FLACC1: variants seen among roughly 807,000 people sequenced by gnomAD.
FLACC1 encodes flagellum-associated coiled-coil domain-containing protein 1.
FLACC1 carries 66 observed loss-of-function variants against 62.8 expected under a neutral mutation model. That is an observed-to-expected ratio of 1.05 (90% CI 0.86 to 1.29). The LOEUF (loss-of-function observed/expected upper bound fraction) is 1.29. Among genes scored for constraint, FLACC1 ranks in the 50% most tolerant of loss-of-function variants. The probability of loss-of-function intolerance (pLI) is 0.00; values close to 1 mark genes in which losing one functional copy is unlikely to be tolerated. For synonymous variants in FLACC1, 156 were observed against 161.0 expected (o/e 0.97, Z 0.24); for missense variants, 452 against 489.1 (o/e 0.92, Z 0.71).
chr2:201,340,033 T>C (rs1950775022), intron 7 of FLACC1, among the ~76,000 whole-genome samples: 1 of 152,152 alleles, frequency 6.6e-6, no homozygotes, highest in African/African-American at 2.4e-5. Flanking sequence ...CTCAGGCCCA[T>C]AGGTGGTGCA....
rs1428010718 is a variant in FLACC1 at position 201,288,824 on chromosome 2, C to T, written c.1143-43G>A. The stretch of plus-strand genomic sequence containing the variant: ...AGATGTATCAATGTCAACTCAAAAG[C>T]TAGAAAGGGTATAGGATATTTGGAG... On this transcript the variant is annotated intron_variant, in intron 14 of 14. Transcript: ENST00000392257. 3.1e-6 allele frequency: 5 copies of T among 1,602,892 alleles called. No individual in the cohort carries two copies. In the South Asian group the frequency reaches 5.5e-5, roughly 18 times the overall value.
intron 9 of FLACC1, among the ~76,000 whole-genome samples, chr2:201,320,138 T>C (rs1576442636): frequency 6.6e-6 from 1 of 152,186 alleles, no homozygotes. Context: ...GATTTCAGCA[T>C]GGAGAGAGGG....
At chr2:201,289,346 C>A in intron 14 of FLACC1, 111 bp downstream of exon 14, 1 of 989,876 alleles carries the variant, frequency 1.0e-6, no homozygotes, top group Non-Finnish European at 1.5e-6. Flanking sequence ...AACACCTGTG[C>A]CTTGACATAA....
At chr2:201,297,419 T>TG (rs61509539) in intron 12 of FLACC1, among the ~76,000 whole-genome samples, 8,628 of 152,106 alleles carry the variant, frequency 0.057, 691 homozygotes, top group African/African-American at 0.17. Context: ...GGGAGAACAG[T>TG]GGGGTGCCAT....
intron 12 of FLACC1, among the ~76,000 whole-genome samples, chr2:201,290,438 T>A (rs1447820965): frequency 6.6e-6 from 1 of 152,132 alleles, no homozygotes; most frequent in East Asian, 1.9e-4. Context: ...AATTTTTCTG[T>A]AAACCTAAAA....
At chr2:201,309,680 A>G (rs965886422) in intron 9 of FLACC1, among the ~76,000 whole-genome samples, 2 of 151,988 alleles carry the variant, frequency 1.3e-5, no homozygotes, top group African/African-American at 2.4e-5. Flanking sequence ...AGGTGGAGGC[A>G]GGCAGATCAC....
In FLACC1 at chr2:201,336,240, A is replaced by G. The variant is rs1359385390; in HGVS notation, c.525-5407T>C. On this transcript the variant is annotated intron_variant, in intron 7 of 14. Transcript: ENST00000392257. ...TGTACACAATGTTTAGCTCCCACTTATAAGTGAAAATATGCAGTATTTGGT... is the reference window on the plus strand; with the variant it reads ...TGTACACAATGTTTAGCTCCCACTTGTAAGTGAAAATATGCAGTATTTGGT... Among the ~76,000 whole-genome samples the G allele has an allele frequency of 3.3e-5, 5 of 152,178 alleles. No homozygotes were observed. The East Asian group carries it at 7.7e-4, about 23-fold the overall frequency.
intron 7 of FLACC1, among the ~76,000 whole-genome samples, chr2:201,337,599 C>T (rs556040904): frequency 6.6e-6 from 1 of 152,174 alleles, no homozygotes; most frequent in Non-Finnish European, 1.5e-5. Flanking sequence ...TCATAGCTCA[C>T]TGCAGCCTTG....
chr2:201,303,223 C>A (rs540113651), intron 11 of FLACC1, among the ~76,000 whole-genome samples: 1 of 151,702 alleles, frequency 6.6e-6, no homozygotes, highest in Non-Finnish European at 1.5e-5. Context: ...ATCAAATAGA[C>A]GCAATAAAAA....
intron 9 of FLACC1, among the ~76,000 whole-genome samples, chr2:201,324,703 G>A (rs1443556794): frequency 6.6e-6 from 1 of 152,092 alleles, no homozygotes; most frequent in Non-Finnish European, 1.5e-5. Context: ...ATTTCAAAGG[G>A]AATCCTCAAA....
At chr2:201,316,817 C>T (rs969591211) in intron 9 of FLACC1, among the ~76,000 whole-genome samples, 1 of 152,112 alleles carries the variant, frequency 6.6e-6, no homozygotes. Flanking sequence ...AAAATACTGG[C>T]TAACTGAATC....
At chr2:201,317,473 G>A (rs1002269728) in intron 9 of FLACC1, among the ~76,000 whole-genome samples, 4 of 151,786 alleles carry the variant, frequency 2.6e-5, no homozygotes, top group Admixed American at 2.6e-4. Flanking sequence ...AAAATAAAAT[G>A]TTTGGACTAT....
Position 201,330,703 on chromosome 2 carries a change from AT to A in FLACC1, c.622+32del, listed in dbSNP as rs778042971. The A allele has an allele frequency of 7.1e-5, 114 of 1,601,772 alleles. No individual in the cohort carries two copies. The Middle Eastern group carries it at 1.5e-3, about 21-fold the overall frequency. ...TAGAAATGCCATTGCCTGGACCTTC[AT>A]CCAGGGTCATTCTCCCAGGTCCCAG... On this transcript the variant is annotated intron_variant, in intron 8 of 14. Transcript: ENST00000392257.
chr2:201,338,554 TG>T (rs1950741594), intron 7 of FLACC1, among the ~76,000 whole-genome samples: 1 of 152,130 alleles, frequency 6.6e-6, no homozygotes, highest in Non-Finnish European at 1.5e-5. Flanking sequence ...ATACAGCCTT[TG>T]TTATGTTGAG....
At chr2:201,319,384 A>G (rs1326109139) in intron 9 of FLACC1, among the ~76,000 whole-genome samples, 1 of 151,858 alleles carries the variant, frequency 6.6e-6, no homozygotes, top group Non-Finnish European at 1.5e-5. Flanking sequence ...AGATTTAAAC[A>G]TAAGAACTCA....
rs1950911497 is a variant in FLACC1, at chr2:201,346,246, T to A, written c.368+296A>T. Reference sequence around the variant, plus strand: ...CCTCAAATTCAGACTAATTTATGGCTATTCTATCTATTCCTCACCCCACGA... The same window carrying A: ...CCTCAAATTCAGACTAATTTATGGCAATTCTATCTATTCCTCACCCCACGA... On this transcript the variant is annotated intron_variant, in intron 5 of 14. Transcript: ENST00000392257. The surrounding 1 kb of genome is among the most constrained non-coding windows in gnomAD (Gnocchi z 4.0). Among the ~76,000 whole-genome samples the A allele has an allele frequency of 1.3e-5, 2 of 152,180 alleles. No individual in the cohort carries two copies. The highest frequency in any genetic ancestry group is 4.1e-4 in the South Asian group (2 of 4,836).
intron 6 of FLACC1, among the ~76,000 whole-genome samples, chr2:201,343,740 C>T (rs903281612): frequency 2.0e-5 from 3 of 152,232 alleles, no homozygotes; most frequent in Non-Finnish European, 4.4e-5. Flanking sequence ...TGTCAAATGA[C>T]ATCTGCAGAT....
At chr2:201,294,829 G>A (rs1337999137) in intron 12 of FLACC1, among the ~76,000 whole-genome samples, 1 of 152,080 alleles carries the variant, frequency 6.6e-6, no homozygotes, top group Non-Finnish European at 1.5e-5. Flanking sequence ...CAAAGTCTCA[G>A]GATACAAAAT....
chr2:201,346,378 C>T lies in FLACC1; in HGVS notation c.368+164G>A, dbSNP rs1461920014. Reference sequence around the variant, plus strand: ...GCAGAGAGGCAGATGTGGAGAGATGCATCATCAGGAAGCAGGGGCGAGGAG... The same window carrying T: ...GCAGAGAGGCAGATGTGGAGAGATGTATCATCAGGAAGCAGGGGCGAGGAG... On this transcript the variant is annotated intron_variant, in intron 5 of 14. Coordinates refer to ENST00000392257, the MANE Select transcript of FLACC1 (RefSeq NM_001127391.3). The surrounding 1 kb of genome is among the most constrained non-coding windows in gnomAD (Gnocchi z 4.0). 6.6e-6 allele frequency among the ~76,000 whole-genome samples: 1 copy of T among 152,170 alleles called. No individual in the cohort carries two copies. Among genetic ancestry groups the T allele is most frequent in the East Asian group, 1.9e-4 (1 of 5,178 alleles).
Sources: gnomAD v4.1 joint callset for allele counts (sites outside exome capture counted in the v4.1 genomes callset) on GRCh38, gnomAD v4.1.1 for gene constraint, Gnocchi (gnomAD v3.1) non-coding constraint, MANE v1.5 for transcripts, NCBI Gene and HGNC (gene_info 2026-07-23, HGNC 2026-07-21) for gene names.